ELAPOR2: variants seen among roughly 807,000 people sequenced by gnomAD.
ELAPOR2 encodes the protein endosome/lysosome-associated apoptosis and autophagy regulator family member 2.
A neutral mutation model predicts 120.7 loss-of-function variants in ELAPOR2; 89 were observed. The observed-to-expected ratio is 0.74, with a 90% CI of 0.62 to 0.88. The LOEUF (loss-of-function observed/expected upper bound fraction) is 0.88, where lower values mean the gene tolerates loss of function less well. Among genes scored for constraint, ELAPOR2 ranks in the 40% least tolerant of loss-of-function variants. ELAPOR2 has a pLI of 0.00. For synonymous variants in ELAPOR2, 444 were observed against 444.9 expected (o/e 1.00, Z 0.03); for missense variants, 1,134 against 1,251.6 (o/e 0.91, Z 1.42).
At chr7:87,048,682 T>C (rs1217698205) in intron 1 of ELAPOR2, among the ~76,000 whole-genome samples, 1 of 152,190 alleles carries the variant, frequency 6.6e-6, no homozygotes, top group African/African-American at 2.4e-5. Flanking sequence ...AGATAACTCA[T>C]TCTCCATGAT....
chr7:87,014,641 A>T (rs1390431136), intron 1 of ELAPOR2, among the ~76,000 whole-genome samples: 1 of 152,236 alleles, frequency 6.6e-6, no homozygotes, highest in East Asian at 1.9e-4. Context: ...AGATTAAGTG[A>T]AGCAAATATG....
intron 1 of ELAPOR2, among the ~76,000 whole-genome samples, chr7:87,009,765 T>C (rs1446348588): frequency 2.0e-5 from 3 of 152,170 alleles, no homozygotes; most frequent in Admixed American, 2.0e-4. Flanking sequence ...AGCAGGCTAA[T>C]AAGTATTTAG....
chr7:86,984,325 A>G (rs994953995), intron 1 of ELAPOR2, among the ~76,000 whole-genome samples: 4 of 152,260 alleles, frequency 2.6e-5, no homozygotes, highest in Admixed American at 6.5e-5. Flanking sequence ...TCAGCTCTGC[A>G]CCAAGCTGAC....
intron 18 of ELAPOR2, among the ~76,000 whole-genome samples, chr7:86,898,842 G>A (rs908120166): frequency 6.6e-6 from 1 of 152,138 alleles, no homozygotes; most frequent in African/African-American, 2.4e-5. Context: ...TCTGTTTAAG[G>A]TAATGTACTT....
chr7:86,917,500 C>A (rs1789620406), intron 12 of ELAPOR2, among the ~76,000 whole-genome samples: 1 of 152,040 alleles, frequency 6.6e-6, no homozygotes, highest in Non-Finnish European at 1.5e-5. Flanking sequence ...ACTGAATAAT[C>A]CTGTTAAGAG....
chr7:86,896,303 T>C (rs977809519), intron 19 of ELAPOR2, among the ~76,000 whole-genome samples: 2 of 152,112 alleles, frequency 1.3e-5, no homozygotes, highest in African/African-American at 4.8e-5. Flanking sequence ...TGTGTGTGTG[T>C]GCTGGGTTTG....
In ELAPOR2 at chr7:86,935,681, G is replaced by T. The variant is rs1365000397; in HGVS notation, c.1089+2445C>A. On this transcript the variant is annotated intron_variant, in intron 8 of 21. Transcript: ENST00000450689. ...GGGACAGGGCCTTCCAGGTGAGACTGATGAACACTAATGTTTGACAGCCAC... is the reference window on the plus strand; with the variant it reads ...GGGACAGGGCCTTCCAGGTGAGACTTATGAACACTAATGTTTGACAGCCAC... Among the ~76,000 whole-genome samples, 12 of 151,664 alleles carry T rather than the reference G, an allele frequency of 7.9e-5. No individual in the cohort carries two copies. The Admixed American group carries it at 7.9e-4, about 10-fold the overall frequency.
intron 2 of ELAPOR2, among the ~76,000 whole-genome samples, chr7:86,962,170 T>C (rs1158212724): frequency 2.0e-5 from 3 of 152,272 alleles, no homozygotes; most frequent in Middle Eastern, 3.4e-3. Flanking sequence ...AAATATATAA[T>C]ATAGCTTGCC....
Position 86,969,049 on chromosome 7 carries a change from T to C in ELAPOR2, c.190-4025A>G, listed in dbSNP as rs1362334079. Among the ~76,000 whole-genome samples, 6 of 152,216 alleles carry C rather than the reference T, an allele frequency of 3.9e-5. No individual in the cohort carries two copies. The South Asian group carries it at 1.2e-3, about 32-fold the overall frequency. On this transcript the variant is annotated intron_variant, in intron 1 of 21. Coordinates refer to ENST00000450689, the MANE Select transcript of ELAPOR2 (RefSeq NM_001142749.3). ...TGGAATTACTCCTCATCACAAAACA[T>C]GTAAGGAAAAATTACCCTTCCATAT...
At chr7:87,007,811 G>A (rs1375394523) in intron 1 of ELAPOR2, among the ~76,000 whole-genome samples, 1 of 152,098 alleles carries the variant, frequency 6.6e-6, no homozygotes, top group Admixed American at 6.6e-5. Flanking sequence ...GCCAATTTGT[G>A]CATCAAAATA....
intron 1 of ELAPOR2, among the ~76,000 whole-genome samples, chr7:87,017,176 T>TCC (rs1206728978): frequency 6.6e-6 from 1 of 152,226 alleles, no homozygotes; most frequent in Non-Finnish European, 1.5e-5. Context: ...CATTTCTCTC[T>TCC]CCAAAAACTT....
At chr7:87,043,329 T>C (rs1794844874) in intron 1 of ELAPOR2, among the ~76,000 whole-genome samples, 2 of 151,244 alleles carry the variant, frequency 1.3e-5, no homozygotes, top group African/African-American at 4.9e-5. Context: ...TTTAGACCAA[T>C]ATCCTTGATG....
At chr7:87,008,080 A>G (rs1288533727) in intron 1 of ELAPOR2, among the ~76,000 whole-genome samples, 1 of 152,220 alleles carries the variant, frequency 6.6e-6, no homozygotes, top group Admixed American at 6.5e-5. Context: ...TTTTATAGTG[A>G]AAGTCCTGTC....
Position 86,877,182 on chromosome 7 carries a change from A to T in ELAPOR2, c.*3289T>A, listed in dbSNP as rs1399066511. ...TTATTCATTCCCATCTTAAAGTTTTACTTCTTTCATTTATGATTCTAAAAG... is the reference window on the plus strand; with the variant it reads ...TTATTCATTCCCATCTTAAAGTTTTTCTTCTTTCATTTATGATTCTAAAAG... On this transcript the variant is annotated 3_prime_UTR_variant, in exon 22 of 22. Coordinates refer to ENST00000450689, the MANE Select transcript of ELAPOR2 (RefSeq NM_001142749.3). The T allele has an allele frequency of 1.3e-5, 2 of 152,166 alleles. No homozygotes were observed. Among genetic ancestry groups the T allele is most frequent in the African/African-American group, 4.8e-5 (2 of 41,450 alleles). The allele number at this position is 152,166 out of a possible 1,614,324, so 9.4% of individuals were successfully genotyped here. A position where few individuals can be genotyped will look rare whatever the true frequency, so the allele number is the denominator to read the frequency against.
intron 8 of ELAPOR2, among the ~76,000 whole-genome samples, chr7:86,933,380 A>C (rs1790416605): frequency 6.6e-6 from 1 of 151,926 alleles, no homozygotes; most frequent in African/African-American, 2.4e-5. Flanking sequence ...ACCCTGCCCT[A>C]ATTCTGCTTA....
intron 15 of ELAPOR2, 92 bp downstream of exon 15, chr7:86,911,980 C>T: frequency 8.0e-7 from 1 of 1,242,636 alleles, no homozygotes; most frequent in African/African-American, 1.5e-5. Flanking sequence ...GGTTGATATC[C>T]ATAGAGAATT....
chr7:87,004,003 T>G (rs999054329), intron 1 of ELAPOR2, among the ~76,000 whole-genome samples: 3 of 152,126 alleles, frequency 2.0e-5, no homozygotes, highest in Admixed American at 1.3e-4. Context: ...CTTCCCTTTT[T>G]GCTGCAGAGG....
At position 86,935,757 on chromosome 7, in the gene ELAPOR2, C is replaced by T. The variant is rs75512650; in HGVS notation, c.1089+2369G>A. ...CGTTTTTCTTCTATCCTTAGCTCTG[C>T]CCTCCTTACCCAGTATTCTGTAAAT... On this transcript the variant is annotated intron_variant, in intron 8 of 21. Coordinates refer to ENST00000450689, the MANE Select transcript of ELAPOR2 (RefSeq NM_001142749.3). 6.0e-3 allele frequency among the ~76,000 whole-genome samples: 911 copies of T among 152,026 alleles called. 12 individuals carry two copies. Among genetic ancestry groups the T allele is most frequent in the African/African-American group, 0.02 (847 of 41,496 alleles).
At chr7:86,901,337 G>T (rs1441138468) in intron 18 of ELAPOR2, among the ~76,000 whole-genome samples, 1 of 152,178 alleles carries the variant, frequency 6.6e-6, no homozygotes, top group Non-Finnish European at 1.5e-5. Flanking sequence ...AGGAAGTTAG[G>T]TCTTGAATTC....
Sources: allele counts gnomAD v4.1 joint callset (sites outside exome capture counted in the v4.1 genomes callset), GRCh38; gene constraint gnomAD v4.1.1; transcripts MANE v1.5; gene names NCBI Gene and HGNC (gene_info 2026-07-23, HGNC 2026-07-21).